MSH3: variants seen among roughly 807,000 people sequenced by gnomAD.
MSH3 encodes the protein mutS homolog 3.
Under a neutral mutation model 123.3 loss-of-function variants are expected in MSH3, and 106 were observed. The ratio of observed to expected loss-of-function variants is 0.86; its 90% CI spans 0.73 to 1.01. The LOEUF (loss-of-function observed/expected upper bound fraction) is 1.01, where lower values mean the gene tolerates loss of function less well. MSH3 is among the 50% of genes least tolerant of loss of function. The pLI is 0.00. For missense variants in MSH3, 1,459 were observed against 1,347.6 expected (o/e 1.08, Z -1.29); for synonymous variants, 515 against 481.4 (o/e 1.07, Z -0.91).
intron 21 of MSH3, among the ~76,000 whole-genome samples, chr5:80,858,466 CAT>C (rs1338013701): frequency 2.0e-5 from 3 of 151,994 alleles, no homozygotes; most frequent in Non-Finnish European, 4.4e-5. Flanking sequence ...TTTTTTGACC[CAT>C]ATGTTTTTTA....
At chr5:80,692,038 T>TTAGA (rs565908466) in intron 8 of MSH3, among the ~76,000 whole-genome samples, 3 of 64,344 alleles carry the variant, frequency 4.7e-5, no homozygotes, top group African/African-American at 1.1e-4. Flanking sequence ...AACAGTATGT[T>TTAGA]TAGATAGATA....
At chr5:80,710,010 A>G (rs776667903) in intron 8 of MSH3, among the ~76,000 whole-genome samples, 12 of 152,164 alleles carry the variant, frequency 7.9e-5, no homozygotes, top group East Asian at 1.9e-4. Context: ...ACCCAATTAC[A>G]TCTATTCTAA....
chr5:80,675,704 T>C (rs1202870057), intron 7 of MSH3, among the ~76,000 whole-genome samples: 1 of 152,174 alleles, frequency 6.6e-6, no homozygotes, highest in African/African-American at 2.4e-5. Context: ...CAATACTCTA[T>C]GCTATGGAGA....
chr5:80,751,806 G>T (rs981787062), intron 12 of MSH3, among the ~76,000 whole-genome samples: 49 of 151,900 alleles, frequency 3.2e-4, no homozygotes, highest in African/African-American at 1.2e-3. Flanking sequence ...TCTTTTTAGG[G>T]GTACACAATT....
At chr5:80,696,956 G>A (rs1339952533) in intron 8 of MSH3, among the ~76,000 whole-genome samples, 2 of 152,128 alleles carry the variant, frequency 1.3e-5, no homozygotes, top group African/African-American at 4.8e-5. Flanking sequence ...AATATTTTTA[G>A]TGCTGTTTAC....
intron 8 of MSH3, among the ~76,000 whole-genome samples, chr5:80,690,959 TC>T (rs1750229567): frequency 1.3e-5 from 2 of 152,180 alleles, no homozygotes; most frequent in South Asian, 4.2e-4. Context: ...TCTCTCCAAT[TC>T]CTATCATGTT....
chr5:80,866,651 C>G (rs1289722067), intron 22 of MSH3, among the ~76,000 whole-genome samples: 1 of 152,154 alleles, frequency 6.6e-6, no homozygotes, highest in Non-Finnish European at 1.5e-5. Context: ...TGATGGACCT[C>G]TCATTGTGTT....
intron 13 of MSH3, among the ~76,000 whole-genome samples, chr5:80,765,494 C>T (rs1286555498): frequency 6.6e-6 from 1 of 152,044 alleles, no homozygotes; most frequent in Non-Finnish European, 1.5e-5. Context: ...CATAATTCAC[C>T]CTTTGTGGTT....
chr5:80,709,207 A>ATG (rs1491153058), intron 8 of MSH3, among the ~76,000 whole-genome samples: 20 of 117,096 alleles, frequency 1.7e-4, no homozygotes, highest in South Asian at 5.9e-4. Flanking sequence ...TATAAAATAG[A>ATG]TATGTGTGTG....
intron 13 of MSH3, among the ~76,000 whole-genome samples, chr5:80,767,474 C>T (rs953095142): frequency 2.0e-5 from 3 of 152,066 alleles, no homozygotes; most frequent in East Asian, 1.9e-4. Context: ...TGAAGATAAT[C>T]GTATACATAC....
At chr5:80,675,854 A>C (rs531916018) in intron 7 of MSH3, among the ~76,000 whole-genome samples, 4 of 152,306 alleles carry the variant, frequency 2.6e-5, no homozygotes, top group Admixed American at 6.5e-5. Flanking sequence ...GTGTTCTATA[A>C]ATTTCCTCTA....
At chr5:80,666,009 T>A (rs1328248220) in intron 3 of MSH3, among the ~76,000 whole-genome samples, 1 of 152,004 alleles carries the variant, frequency 6.6e-6, no homozygotes, top group Non-Finnish European at 1.5e-5. Flanking sequence ...CTTATCTAAT[T>A]GGTTTTCACT....
chr5:80,779,054 C>T (rs1427753489), intron 17 of MSH3, among the ~76,000 whole-genome samples: 1 of 150,366 alleles, frequency 6.7e-6, no homozygotes, highest in African/African-American at 2.5e-5. Flanking sequence ...TGCAGTGGCA[C>T]GATCTCGGCT....
chr5:80,687,981 G>C (rs836802), intron 8 of MSH3, among the ~76,000 whole-genome samples: 38,308 of 152,144 alleles, frequency 0.25, 4,936 homozygotes, highest in Middle Eastern at 0.32. Flanking sequence ...GCTAGGTGGA[G>C]AACCAGGACA....
chr5:80,857,586 G>GT (rs1037941025), intron 21 of MSH3, among the ~76,000 whole-genome samples: 3 of 151,818 alleles, frequency 2.0e-5, no homozygotes, highest in African/African-American at 7.3e-5. Context: ...CAGAATTTCT[G>GT]TTTTTTTTCT....
At chr5:80,784,490 G>A (rs1202417598) in intron 17 of MSH3, among the ~76,000 whole-genome samples, 1 of 152,122 alleles carries the variant, frequency 6.6e-6, no homozygotes, top group Non-Finnish European at 1.5e-5. Context: ...GGCATGCAAT[G>A]TGAAATAAGC....
At chr5:80,683,420 A>G (rs1165056881) in intron 8 of MSH3, among the ~76,000 whole-genome samples, 2 of 152,126 alleles carry the variant, frequency 1.3e-5, no homozygotes, top group Non-Finnish European at 2.9e-5. Flanking sequence ...GTGAGATGGT[A>G]TCTCATTGTA....
chr5:80,749,884 C>A lies in MSH3; in HGVS notation c.1763+5269C>A, dbSNP rs530510628. Reference sequence around the variant, plus strand: ...TTTCCCCATCTACCCTCTCCCCTAGCCTCTGATGACCACCAATCTGATCTC... The same window carrying A: ...TTTCCCCATCTACCCTCTCCCCTAGACTCTGATGACCACCAATCTGATCTC... On this transcript the variant is annotated intron_variant, in intron 12 of 23. Transcript: ENST00000265081. Among the ~76,000 whole-genome samples the A allele has an allele frequency of 2.0e-5, 3 of 152,228 alleles. 1 individual carries two copies. In the South Asian group the frequency reaches 6.2e-4, roughly 32 times the overall value.
chr5:80,677,210 A>C (rs1749860900), intron 7 of MSH3, among the ~76,000 whole-genome samples: 1 of 152,128 alleles, frequency 6.6e-6, no homozygotes, highest in East Asian at 1.9e-4. Context: ...CCTGGGAGTC[A>C]CCTTTTGAGT....
Sources: allele counts gnomAD v4.1 joint callset (sites outside exome capture counted in the v4.1 genomes callset), GRCh38; gene constraint gnomAD v4.1.1; transcripts MANE v1.5; gene names NCBI Gene and HGNC (gene_info 2026-07-23, HGNC 2026-07-21).